Variants in BICD2 observed in about 807,000 individuals in gnomAD.
BICD2 encodes protein bicaudal D homolog 2.
Under a neutral mutation model 72.9 loss-of-function variants are expected in BICD2, and 25 were observed. The ratio of observed to expected loss-of-function variants is 0.34; its 90% CI spans 0.25 to 0.48. The LOEUF (loss-of-function observed/expected upper bound fraction) is 0.48. Among genes scored for constraint, BICD2 ranks in the 20% least tolerant of loss-of-function variants. BICD2 has a pLI of 0.99. For missense variants in BICD2, 894 were observed against 1,175.2 expected (o/e 0.76, Z 3.50); for synonymous variants, 501 against 516.1 (o/e 0.97, Z 0.40).
intron 3 of BICD2, among the ~76,000 whole-genome samples, chr9:92,721,600 AG>A (rs1041842305): frequency 3.3e-5 from 5 of 152,384 alleles, no homozygotes; most frequent in Admixed American, 6.5e-5. Flanking sequence ...TTGGGTCGGA[AG>A]GGACACCCAT....
At chr9:92,717,104 C>G (rs745502152) in intron 6 of BICD2, among the ~76,000 whole-genome samples, 2 of 152,236 alleles carry the variant, frequency 1.3e-5, no homozygotes, top group Non-Finnish European at 2.9e-5. Flanking sequence ...CATAAATACA[C>G]ACTTGTGCCA....
rs951615298 is a variant in BICD2, at chr9:92,714,399, A to C, written c.*755T>G. On this transcript the variant is annotated 3_prime_UTR_variant, in exon 7 of 7. Coordinates refer to ENST00000356884, the MANE Select transcript of BICD2 (RefSeq NM_001003800.2). Reference sequence around the variant, plus strand: ...CACTTGGAAAGCTTTTCTCATGAAAAATGAAAACCTGGGGCCTTGGGCCCT... The same window carrying C: ...CACTTGGAAAGCTTTTCTCATGAAACATGAAAACCTGGGGCCTTGGGCCCT... 2 of 985,386 alleles carry C rather than the reference A, an allele frequency of 2.0e-6. No individual in the cohort carries two copies. The highest frequency in any genetic ancestry group is 6.1e-5 in the Admixed American group (1 of 16,274). The allele number at this position is 985,386 out of a possible 1,614,324, so 61.0% of individuals were successfully genotyped here.
Position 92,718,554 on chromosome 9 carries a change from G to C in BICD2, c.2091C>G (p.Leu697=), listed in dbSNP as rs754613422. The C allele has an allele frequency of 3.7e-6, 6 of 1,610,780 alleles. No homozygotes were observed. In the East Asian group the frequency reaches 6.7e-5, roughly 18 times the overall value. ...GGCACCTCACCTGCTTGTTGGCCTT[G>C]AGCACAGTGCGCAGCGTGGTGATCT... ...REQITTLRTV[L]KANKQTAEVA... is the part of the protein sequence containing the mutation. Residue 697 remains leucine (L), a synonymous_variant, in exon 5 of 7, where the codon CTC becomes CTG. Coordinates refer to ENST00000356884, the MANE Select transcript of BICD2 (RefSeq NM_001003800.2).
At chr9:92,732,772 C>T (rs1461660718) in intron 1 of BICD2, among the ~76,000 whole-genome samples, 1 of 152,236 alleles carries the variant, frequency 6.6e-6, no homozygotes, top group Non-Finnish European at 1.5e-5. Flanking sequence ...AATTTATCAA[C>T]AGCAGATATG....
chr9:92,713,698 C>T lies in BICD2; in HGVS notation c.*1456G>A. 5.7e-6 allele frequency: 8 copies of T among 1,395,002 alleles called. No homozygotes were observed. The highest frequency in any genetic ancestry group is 7.5e-6 in the Non-Finnish European group (8 of 1,071,222). The allele number at this position is 1,395,002 out of a possible 1,614,324, so 86.4% of individuals were successfully genotyped here. A position where few individuals can be genotyped will look rare whatever the true frequency, so the allele number is the denominator to read the frequency against. On this transcript the variant is annotated 3_prime_UTR_variant, in exon 7 of 7. Coordinates refer to ENST00000356884, the MANE Select transcript of BICD2 (RefSeq NM_001003800.2). ...GAGGGCAAAGCGCATGCAGGGTGGG[C>T]ATGCCAGCAGCCATCCCACTGCGAG...
At position 92,714,385 on chromosome 9, in the gene BICD2, C is replaced by A. The variant is rs1004777247; in HGVS notation, c.*769G>T. On this transcript the variant is annotated 3_prime_UTR_variant, in exon 7 of 7. Coordinates refer to ENST00000356884, the MANE Select transcript of BICD2 (RefSeq NM_001003800.2). ...AAGGTCTGGCCAGGCACTTGGAAAG[C>A]TTTTCTCATGAAAAATGAAAACCTG... The A allele has an allele frequency of 2.0e-6, 2 of 985,382 alleles. No individual in the cohort carries two copies. Among genetic ancestry groups the A allele is most frequent in the African/African-American group, 3.5e-5 (2 of 57,258 alleles). The allele number at this position is 985,382 out of a possible 1,614,324, so 61.0% of individuals were successfully genotyped here.
At position 92,715,134 on chromosome 9, in the gene BICD2, C is replaced by T. The variant is rs528694770; in HGVS notation, c.*20G>A. ...GAGGTGAAGCAGATGTTAGCTGCAG[C>T]GTGCGGCGCCCCACAGCCCCTAATC... is the stretch of plus-strand genomic sequence containing the variant. On this transcript the variant is annotated 3_prime_UTR_variant, in exon 7 of 7. Coordinates refer to ENST00000356884, the MANE Select transcript of BICD2 (RefSeq NM_001003800.2). The T allele has an allele frequency of 8.0e-5, 123 of 1,546,474 alleles. 1 individual carries two copies. The South Asian group carries it at 1.2e-3, about 15-fold the overall frequency.
chr9:92,728,514 G>A (rs142557367), intron 2 of BICD2, among the ~76,000 whole-genome samples: 1 of 152,214 alleles, frequency 6.6e-6, no homozygotes, highest in Non-Finnish European at 1.5e-5. Flanking sequence ...GGGTGTGGCA[G>A]CTGGGGCTAC....
chr9:92,716,899 G>T (rs1027735226), intron 6 of BICD2, among the ~76,000 whole-genome samples: 8 of 152,202 alleles, frequency 5.3e-5, no homozygotes, highest in Non-Finnish European at 1.0e-4. Flanking sequence ...GAGGAAGAAA[G>T]AAAGCTGGTC....
chr9:92,713,808 A>G lies in BICD2; in HGVS notation c.*1346T>C, dbSNP rs1853243906. On this transcript the variant is annotated 3_prime_UTR_variant, in exon 7 of 7. Coordinates refer to ENST00000356884, the MANE Select transcript of BICD2 (RefSeq NM_001003800.2). ...TGTCCTGGAGTCTGGAGGGGACCGA[A>G]ACATACTCGGCACCAAAGGGAAGAA... 1 of 1,135,102 alleles carries G rather than the reference A, an allele frequency of 8.8e-7. No individual in the cohort carries two copies. The highest frequency in any genetic ancestry group is 1.6e-5 in the African/African-American group (1 of 62,612). 70.3% of individuals were successfully genotyped at this position (1,135,102 alleles called of 1,614,324 possible). A position where few individuals can be genotyped will look rare whatever the true frequency, so the allele number is the denominator to read the frequency against.
At chr9:92,760,596 C>G (rs937221503) in intron 1 of BICD2, among the ~76,000 whole-genome samples, 2 of 152,162 alleles carry the variant, frequency 1.3e-5, no homozygotes, top group Non-Finnish European at 2.9e-5. Flanking sequence ...AAGAGAGGCC[C>G]AGCGGGGAGA....
In BICD2 at chr9:92,756,949, G is replaced by A. The variant is rs886707083; in HGVS notation, c.240+7556C>T. Among the ~76,000 whole-genome samples, 12 of 152,160 alleles carry A rather than the reference G, an allele frequency of 7.9e-5. No individual in the cohort carries two copies. The South Asian group carries it at 8.3e-4, about 11-fold the overall frequency. On this transcript the variant is annotated intron_variant, in intron 1 of 6. Transcript: ENST00000356884. ...GATAAAGTGGGAATCTCCGCCTACC[G>A]GCACCCTCCACAGCATAAAAATAGA...
Position 92,764,547 on chromosome 9 carries a change from C to A in BICD2, c.198G>T (p.Val66=), listed in dbSNP as rs925398641. The change falls in exon 1 of 7, where the codon GTG becomes GTT. Residue 66 remains valine, a synonymous_variant. Transcript: ENST00000356884. The surrounding 1 kb of genome is among the most constrained non-coding windows in gnomAD (Gnocchi z 5.5). ...QLKLQFEELE[V]DYEAIRSEME... ...TCTCGCTGCGGATAGCCTCATAGTC[C>A]ACCTCGAGCTCCTCGAACTGCAGCT... is the stretch of plus-strand genomic sequence containing the variant. 1 of 1,546,258 alleles carries A rather than the reference C, an allele frequency of 6.5e-7. No individual in the cohort carries two copies. The highest frequency in any genetic ancestry group is 2.0e-5 in the Admixed American group (1 of 49,938).
Position 92,713,812 on chromosome 9 carries a change from T to A in BICD2, c.*1342A>T. Reference sequence around the variant, plus strand: ...CTGGAGTCTGGAGGGGACCGAAACATACTCGGCACCAAAGGGAAGAACGCG... The same window carrying A: ...CTGGAGTCTGGAGGGGACCGAAACAAACTCGGCACCAAAGGGAAGAACGCG... On this transcript the variant is annotated 3_prime_UTR_variant, in exon 7 of 7. Coordinates refer to ENST00000356884, the MANE Select transcript of BICD2 (RefSeq NM_001003800.2). The A allele has an allele frequency of 2.7e-6, 3 of 1,120,064 alleles. No homozygotes were observed. The highest frequency in any genetic ancestry group is 3.3e-6 in the Non-Finnish European group (3 of 909,394). The allele number at this position is 1,120,064 out of a possible 1,614,324, so 69.4% of individuals were successfully genotyped here.
Position 92,714,150 on chromosome 9 carries a change from G to A in BICD2, c.*1004C>T. 1.0e-6 allele frequency: 1 copy of A among 985,626 alleles called. No homozygotes were observed. Among genetic ancestry groups the A allele is most frequent in the Non-Finnish European group, 1.2e-6 (1 of 830,116 alleles). The allele number at this position is 985,626 out of a possible 1,614,324, so 61.1% of individuals were successfully genotyped here. A position where few individuals can be genotyped will look rare whatever the true frequency, so the allele number is the denominator to read the frequency against. On this transcript the variant is annotated 3_prime_UTR_variant, in exon 7 of 7. Coordinates refer to ENST00000356884, the MANE Select transcript of BICD2 (RefSeq NM_001003800.2). Reference sequence around the variant, plus strand: ...TCCTACCTGTGAATCCTGACAAGTGGCCCTGGCCCTATGCAAAGCTTTCCC... The same window carrying A: ...TCCTACCTGTGAATCCTGACAAGTGACCCTGGCCCTATGCAAAGCTTTCCC...
intron 6 of BICD2, among the ~76,000 whole-genome samples, chr9:92,717,528 C>A (rs535821798): frequency 6.6e-6 from 1 of 152,370 alleles, no homozygotes; most frequent in Non-Finnish European, 1.5e-5. Context: ...AGCTGAGGTG[C>A]AGCAGCTAGG....
Position 92,720,350 on chromosome 9 carries a change from T to A in BICD2, c.1012A>T (p.Ser338Cys). 1 of 1,613,860 alleles carries A rather than the reference T, an allele frequency of 6.2e-7. No individual in the cohort carries two copies. Among genetic ancestry groups the A allele is most frequent in the Non-Finnish European group, 8.5e-7 (1 of 1,179,990 alleles). Reference protein sequence around the residue: ...PSPSLVSDLLSELNISEIQKL... With the variant: ...PSPSLVSDLLCELNISEIQKL... ...TGGATCTCAGAGATGTTGAGCTCACTGAGTAGGTCGGAGACGAGGCTGGGG... is the reference window on the plus strand; with the variant it reads ...TGGATCTCAGAGATGTTGAGCTCACAGAGTAGGTCGGAGACGAGGCTGGGG... Residue 338 changes from serine to cysteine, a missense_variant, in exon 4 of 7, where the codon AGT becomes TGT. By Grantham distance (112) the Ser-to-Cys change is moderately radical. Transcript: ENST00000356884. The surrounding 1 kb of genome is among the most constrained non-coding windows in gnomAD (Gnocchi z 5.4).
chr9:92,731,410 A>G (rs1264721556), intron 1 of BICD2, among the ~76,000 whole-genome samples: 2 of 152,144 alleles, frequency 1.3e-5, no homozygotes, highest in African/African-American at 4.8e-5. Flanking sequence ...ACTGAGATAC[A>G]GACTTCCGCG....
intron 1 of BICD2, among the ~76,000 whole-genome samples, chr9:92,735,306 C>A (rs1464410315): frequency 1.3e-5 from 2 of 152,142 alleles, no homozygotes; most frequent in Non-Finnish European, 2.9e-5. Flanking sequence ...AGGTCCTGCA[C>A]AGTGGCATGG....
Sources: allele counts gnomAD v4.1 joint callset (sites outside exome capture counted in the v4.1 genomes callset), GRCh38; gene constraint gnomAD v4.1.1; non-coding constraint Gnocchi (gnomAD v3.1); transcripts MANE v1.5; gene names NCBI Gene and HGNC (gene_info 2026-07-23, HGNC 2026-07-21).